Variants in PITPNC1 observed in about 807,000 individuals in gnomAD.
The protein encoded by PITPNC1 is phosphatidylinositol transfer protein cytoplasmic 1.
Under a neutral mutation model 44.7 loss-of-function variants are expected in PITPNC1, and 18 were observed. The ratio of observed to expected loss-of-function variants is 0.40; its 90% CI spans 0.28 to 0.60. The LOEUF (loss-of-function observed/expected upper bound fraction) is 0.60, where lower values mean the gene tolerates loss of function less well. Among genes scored for constraint, PITPNC1 ranks in the 20% least tolerant of loss-of-function variants. PITPNC1 has a pLI of 0.39. For synonymous variants in PITPNC1, 141 were observed against 149.6 expected (o/e 0.94, Z 0.42); for missense variants, 290 against 418.4 (o/e 0.69, Z 2.68).
intron 2 of PITPNC1, among the ~76,000 whole-genome samples, chr17:67,542,498 C>T (rs2040622261): frequency 6.6e-6 from 1 of 152,094 alleles, no homozygotes; most frequent in African/African-American, 2.4e-5. Context: ...CTGAAATGTA[C>T]GACGTACAAC....
At chr17:67,621,556 T>A (rs1468039130) in intron 5 of PITPNC1, among the ~76,000 whole-genome samples, 1 of 152,166 alleles carries the variant, frequency 6.6e-6, no homozygotes, top group Non-Finnish European at 1.5e-5. Context: ...ATATGTCATA[T>A]AATATCGATT....
chr17:67,400,422 G>A (rs1232454033), intron 1 of PITPNC1, among the ~76,000 whole-genome samples: 2 of 152,192 alleles, frequency 1.3e-5, no homozygotes, highest in Non-Finnish European at 2.9e-5. Context: ...GCTGTGCTTT[G>A]GGAAGTCATT....
intron 1 of PITPNC1, among the ~76,000 whole-genome samples, chr17:67,401,808 A>T (rs1468287370): frequency 6.6e-6 from 1 of 152,036 alleles, no homozygotes; most frequent in South Asian, 2.1e-4. Flanking sequence ...GCGCCACTGC[A>T]CTCAAGCCTA....
At chr17:67,494,322 C>G (rs535936247) in intron 1 of PITPNC1, among the ~76,000 whole-genome samples, 9 of 151,942 alleles carry the variant, frequency 5.9e-5, no homozygotes, top group Admixed American at 5.9e-4. Flanking sequence ...GCCTCAGCCT[C>G]CCGAGTACCT....
chr17:67,521,380 G>A (rs753250002), intron 1 of PITPNC1, among the ~76,000 whole-genome samples: 4 of 152,088 alleles, frequency 2.6e-5, no homozygotes, highest in Non-Finnish European at 5.9e-5. Context: ...CAGGTATTAC[G>A]TAAACAAGAC....
In PITPNC1 at chr17:67,667,490, C is replaced by CAAAAAAAAA. The variant is rs71139168; in HGVS notation, c.463-2008_463-2000dup. Among the ~76,000 whole-genome samples the CAAAAAAAAA allele has an allele frequency of 5.6e-5, 6 of 107,650 alleles. 1 individual carries two copies. Among genetic ancestry groups the CAAAAAAAAA allele is most frequent in the Non-Finnish European group, 9.2e-5 (5 of 54,058 alleles). The allele number at this position is 107,650 out of a possible 152,430, so 70.6% of individuals were successfully genotyped here. A position where few individuals can be genotyped will look rare whatever the true frequency, so the allele number is the denominator to read the frequency against. ...GCCGCAGTGAGCCATGATCCTTTCT[C>CAAAAAAAAA]AAAAAAAAAAAAAAAAAAGTACTGA... is the stretch of plus-strand genomic sequence containing the variant. On this transcript the variant is annotated intron_variant, in intron 6 of 8. Transcript: ENST00000581322.
At chr17:67,500,653 T>G (rs910049359) in intron 1 of PITPNC1, among the ~76,000 whole-genome samples, 2 of 118,138 alleles carry the variant, frequency 1.7e-5, no homozygotes, top group Admixed American at 9.7e-5. Flanking sequence ...TCTCAATTTT[T>G]TTTTAAGATT....
At chr17:67,495,041 T>TG in intron 1 of PITPNC1, among the ~76,000 whole-genome samples, 1 of 57,736 alleles carries the variant, frequency 1.7e-5, no homozygotes, top group South Asian at 6.7e-4. Context: ...CATGGAGTTG[T>TG]TTTTTTTTTT....
intron 1 of PITPNC1, among the ~76,000 whole-genome samples, chr17:67,395,866 G>A (rs901400518): frequency 3.3e-5 from 5 of 152,104 alleles, no homozygotes; most frequent in African/African-American, 4.8e-5. Flanking sequence ...TGTACTGTGC[G>A]GGCTGGAGAC....
intron 5 of PITPNC1, among the ~76,000 whole-genome samples, chr17:67,583,527 G>A (rs569687976): frequency 6.7e-5 from 10 of 149,344 alleles, no homozygotes; most frequent in African/African-American, 2.5e-4. Context: ...GGCGGAGGTT[G>A]CAGGGAGCCG....
chr17:67,648,611 A>T (rs1407254841), intron 6 of PITPNC1, among the ~76,000 whole-genome samples: 1 of 152,210 alleles, frequency 6.6e-6, no homozygotes, highest in Non-Finnish European at 1.5e-5. Context: ...GGAACTGGGA[A>T]CCAGGCCCAA....
chr17:67,580,824 G>A (rs1278024431), intron 5 of PITPNC1, among the ~76,000 whole-genome samples: 5 of 152,208 alleles, frequency 3.3e-5, no homozygotes, highest in East Asian at 1.9e-4. Flanking sequence ...TGTGGTGGAC[G>A]GATCACCTGA....
chr17:67,651,077 A>C (rs1308694028), intron 6 of PITPNC1, among the ~76,000 whole-genome samples: 1 of 152,184 alleles, frequency 6.6e-6, no homozygotes, highest in Non-Finnish European at 1.5e-5. Flanking sequence ...GCAAGAATTG[A>C]CTGCTTCTGG....
In PITPNC1 at chr17:67,692,839, T is replaced by C. The variant is rs2042954653; in HGVS notation, c.950T>C (p.Leu317Ser). Residue 317 changes from leucine (L) to serine (S), a missense_variant, in exon 9 of 9, where the codon TTA becomes TCA. Transcript: ENST00000581322. ...PDPEKKATLN[L>S]PGMHSSDKPC... Reference sequence around the variant, plus strand: ...CCTGAGAAAAAAGCCACCCTGAATTTACCCGGCATGCACTCTTCAGATAAG... The same window carrying C: ...CCTGAGAAAAAAGCCACCCTGAATTCACCCGGCATGCACTCTTCAGATAAG... 6.2e-7 allele frequency: 1 copy of C among 1,613,728 alleles called. No homozygotes were observed.
intron 1 of PITPNC1, chr17:67,524,667 C>A (rs1014552421): frequency 4.0e-5 from 6 of 150,252 alleles, no homozygotes; most frequent in Non-Finnish European, 8.9e-5. Flanking sequence ...AGTACTTGAT[C>A]TTTATTTAGA....
intron 5 of PITPNC1, among the ~76,000 whole-genome samples, chr17:67,600,309 C>T (rs1016611373): frequency 1.8e-4 from 27 of 152,150 alleles, no homozygotes; most frequent in African/African-American, 6.0e-4. Flanking sequence ...AAAACGACCC[C>T]GCAAATCTAA....
intron 1 of PITPNC1, among the ~76,000 whole-genome samples, chr17:67,526,087 C>T (rs191933690): frequency 2.6e-5 from 4 of 152,264 alleles, no homozygotes; most frequent in Non-Finnish European, 2.9e-5. Context: ...CCATGGTTCC[C>T]GCTGTTCACA....
chr17:67,545,384 C>T lies in PITPNC1; in HGVS notation c.198-6873C>T, dbSNP rs1050650471. Among the ~76,000 whole-genome samples the T allele has an allele frequency of 2.6e-5, 4 of 151,954 alleles. No individual in the cohort carries two copies. The South Asian group carries it at 8.3e-4, about 32-fold the overall frequency. On this transcript the variant is annotated intron_variant, in intron 2 of 8. Transcript: ENST00000581322. ...CTTGAGGTCAGGCGTTTGAGACCAG[C>T]CTGGCCAACAAGGTGAAACCCTAGC...
Position 67,696,529 on chromosome 17 carries a change from C to T in PITPNC1, c.*3641C>T, listed in dbSNP as rs1439318775. 6.6e-6 allele frequency: 1 copy of T among 152,172 alleles called. No homozygotes were observed. Among genetic ancestry groups the T allele is most frequent in the Non-Finnish European group, 1.5e-5 (1 of 68,034 alleles). 9.4% of individuals were successfully genotyped at this position (152,172 alleles called of 1,614,324 possible). ...TTTTAGTACCTTTCTGATCATCTGA[C>T]TCAGTAGGCTAGGAGACAATCTGTC... On this transcript the variant is annotated 3_prime_UTR_variant, in exon 9 of 9. Transcript: ENST00000581322.
Sources: allele counts gnomAD v4.1 joint callset (sites outside exome capture counted in the v4.1 genomes callset), GRCh38; gene constraint gnomAD v4.1.1; transcripts MANE v1.5; gene names NCBI Gene and HGNC (gene_info 2026-07-23, HGNC 2026-07-21).